ADGRL2: variants seen among roughly 807,000 people sequenced by gnomAD.
ADGRL2 encodes the protein calcium-independent alpha-latrotoxin receptor 2.
Under a neutral mutation model 157.4 loss-of-function variants are expected in ADGRL2, and 44 were observed. That is an observed-to-expected ratio of 0.28 (90% CI 0.22 to 0.36). The LOEUF is 0.36. Among genes scored for constraint, ADGRL2 ranks in the 10% least tolerant of loss-of-function variants. The probability of loss-of-function intolerance (pLI) is 1.00; values close to 1 mark genes in which losing one functional copy is unlikely to be tolerated. For missense variants in ADGRL2, 1,510 were observed against 1,768.9 expected, an observed-to-expected ratio of 0.85 and a Z score of 2.63; for synonymous variants, 585 against 624.7, an observed-to-expected ratio of 0.94 and a Z score of 0.95.
chr1:81,772,499 C>T lies in ADGRL2; in HGVS notation c.-101+10647C>T, dbSNP rs1033682817. Among the ~76,000 whole-genome samples the T allele has an allele frequency of 5.3e-5, 8 of 152,094 alleles. No individual in the cohort carries two copies. The East Asian group carries it at 1.4e-3, about 26-fold the overall frequency. On this transcript the variant is annotated intron_variant, in intron 2 of 20. Transcript: ENST00000359929. ...ATCCCAGCACTGTGGGAGGCCGAGG[C>T]GGGTAGATCACCTGAGGTCAGGAGT...
At chr1:81,537,418 G>A (rs1378694111) in intron 2 of ADGRL2, among the ~76,000 whole-genome samples, 1 of 151,864 alleles carries the variant, frequency 6.6e-6, no homozygotes, top group African/African-American at 2.4e-5. Flanking sequence ...GGAGTAGCTG[G>A]GATTACAGGC....
At chr1:81,355,720 C>G (rs1306767085) in intron 1 of ADGRL2, among the ~76,000 whole-genome samples, 1 of 152,130 alleles carries the variant, frequency 6.6e-6, no homozygotes, top group East Asian at 1.9e-4. Context: ...GCAGGTTCAC[C>G]CTGGGCCTGC....
intron 3 of ADGRL2, among the ~76,000 whole-genome samples, chr1:81,687,566 G>A (rs1009381350): frequency 1.3e-5 from 2 of 152,194 alleles, no homozygotes; most frequent in Non-Finnish European, 2.9e-5. Context: ...GAAGGCATCA[G>A]ATGGTTGGTG....
intron 2 of ADGRL2, among the ~76,000 whole-genome samples, chr1:81,465,895 A>T (rs2078042488): frequency 6.6e-6 from 1 of 152,244 alleles, no homozygotes; most frequent in South Asian, 2.1e-4. Flanking sequence ...ATCTTTGGTC[A>T]CCTGAAATGT....
chr1:81,468,113 G>A (rs779924011), intron 2 of ADGRL2, among the ~76,000 whole-genome samples: 53 of 152,204 alleles, frequency 3.5e-4, no homozygotes, highest in Admixed American at 4.6e-4. Flanking sequence ...AAACAAATAA[G>A]TATTGTTTTT....
chr1:81,337,418 C>T (rs1435717981), intron 1 of ADGRL2, among the ~76,000 whole-genome samples: 1 of 152,148 alleles, frequency 6.6e-6, no homozygotes, highest in East Asian at 1.9e-4. Context: ...CATCCCAGAC[C>T]CTGCACTCGC....
intron 1 of ADGRL2, among the ~76,000 whole-genome samples, chr1:81,806,882 T>G (rs1362159653): frequency 6.6e-6 from 1 of 152,020 alleles, no homozygotes; most frequent in Non-Finnish European, 1.5e-5. Context: ...TTACAAAAGT[T>G]TCTTCAAAGA....
At chr1:81,661,926 A>G (rs1343327760) in intron 3 of ADGRL2, among the ~76,000 whole-genome samples, 1 of 152,186 alleles carries the variant, frequency 6.6e-6, no homozygotes, top group Admixed American at 6.5e-5. Flanking sequence ...AATGCCTACC[A>G]GGGAAGTATT....
intron 2 of ADGRL2, among the ~76,000 whole-genome samples, chr1:81,547,415 A>T (rs1201289220): frequency 1.3e-5 from 2 of 151,898 alleles, no homozygotes; most frequent in Non-Finnish European, 2.9e-5. Flanking sequence ...CTCAACCCCC[A>T]CCACCAGGAA....
intron 2 of ADGRL2, among the ~76,000 whole-genome samples, chr1:81,853,588 C>CT (rs1158039336): frequency 6.6e-6 from 1 of 152,210 alleles, no homozygotes; most frequent in East Asian, 1.9e-4. Flanking sequence ...TCTTTAAAAA[C>CT]TTTATGATTT....
At chr1:81,980,661 A>G in intron 18 of ADGRL2, 2 of 453,308 alleles carry the variant, frequency 4.4e-6, no homozygotes, top group South Asian at 1.4e-4. Context: ...GTAAGGGTAA[A>G]TTTTTTTTTA....
At chr1:81,451,745 C>T (rs1453044818) in intron 2 of ADGRL2, among the ~76,000 whole-genome samples, 1 of 152,128 alleles carries the variant, frequency 6.6e-6, no homozygotes, top group African/African-American at 2.4e-5. Flanking sequence ...AAATCCTATG[C>T]AGTCTTATAC....
In ADGRL2 at chr1:81,993,738, A is replaced by G. The variant is rs1664980369; in HGVS notation, c.*2593A>G. ...TGTTTTAATGCAGATGCGTTATTGT[A>G]TTTATTAACCCAGTTTCTTTGGGTC... On this transcript the variant is annotated 3_prime_UTR_variant, in exon 24 of 24. Coordinates refer to ENST00000686636, the MANE Select transcript of ADGRL2 (RefSeq NM_001366006.2). 6.6e-6 allele frequency among the ~76,000 whole-genome samples: 1 copy of G among 152,152 alleles called. No homozygotes were observed. The highest frequency in any genetic ancestry group is 1.5e-5 in the Non-Finnish European group (1 of 68,030).
Position 81,964,343 on chromosome 1 carries a change from G to T in ADGRL2, c.2018-1715G>T, listed in dbSNP as rs17107598. ...TGAAAGCTTCTTTCAATGTGAGGAA[G>T]AATCAGTTACTTTAATTAAACTTCT... On this transcript the variant is annotated intron_variant, in intron 11 of 23. Coordinates refer to ENST00000686636, the MANE Select transcript of ADGRL2 (RefSeq NM_001366006.2). Among the ~76,000 whole-genome samples the T allele has an allele frequency of 5.1e-3, 771 of 152,168 alleles. 7 individuals carry two copies. Among genetic ancestry groups the T allele is most frequent in the African/African-American group, 0.017 (714 of 41,548 alleles).
intron 1 of ADGRL2, among the ~76,000 whole-genome samples, chr1:81,826,554 G>T (rs1432804607): frequency 6.6e-6 from 1 of 152,152 alleles, no homozygotes; most frequent in Non-Finnish European, 1.5e-5. Context: ...CTATAATTTG[G>T]CAGAGAAGTA....
chr1:81,572,439 C>A (rs2080714439), intron 2 of ADGRL2, among the ~76,000 whole-genome samples: 1 of 152,138 alleles, frequency 6.6e-6, no homozygotes, highest in Admixed American at 6.6e-5. Context: ...TGCTTGGAGG[C>A]TGATGGGGGA....
At position 81,943,541 on chromosome 1, in the gene ADGRL2, G is replaced by A. The variant is rs1191117419; in HGVS notation, c.982G>A (p.Val328Ile). The A allele has an allele frequency of 2.5e-6, 4 of 1,613,726 alleles. No individual in the cohort carries two copies. The highest frequency in any genetic ancestry group is 1.7e-5 in the Admixed American group (1 of 59,956). Reference sequence around the variant, plus strand: ...TATGATATGCGGAGTCCTCTATGTGGTTAGGTCAGTTTATCAAGACAATGA... The same window carrying A: ...TATGATATGCGGAGTCCTCTATGTGATTAGGTCAGTTTATCAAGACAATGA... ...AFMICGVLYVVRSVYQDNESE... is the reference protein window; with the variant it reads ...AFMICGVLYVIRSVYQDNESE... Residue 328 changes from valine (V) to isoleucine (I), a missense_variant, in exon 6 of 24, where the codon GTT (valine) becomes ATT (isoleucine). Coordinates refer to ENST00000686636, the MANE Select transcript of ADGRL2 (RefSeq NM_001366006.2). This position sits in a 1 kb window ranked among gnomAD's most constrained non-coding sequence, Gnocchi z 5.6.
chr1:81,775,014 C>T (rs1207586010), intron 2 of ADGRL2, among the ~76,000 whole-genome samples: 1 of 152,052 alleles, frequency 6.6e-6, no homozygotes, highest in Admixed American at 6.6e-5. Context: ...AAAAAGCTGG[C>T]AGAAACATTT....
intron 2 of ADGRL2, among the ~76,000 whole-genome samples, chr1:81,561,530 G>A (rs2080442432): frequency 1.4e-5 from 2 of 145,060 alleles, no homozygotes; most frequent in South Asian, 2.3e-4. Flanking sequence ...GTGCGATCTT[G>A]TCTCACTGCA....
Sources: gnomAD v4.1 joint callset for allele counts (sites outside exome capture counted in the v4.1 genomes callset) on GRCh38, gnomAD v4.1.1 for gene constraint, Gnocchi (gnomAD v3.1) non-coding constraint, MANE v1.5 for transcripts, NCBI Gene and HGNC (gene_info 2026-07-23, HGNC 2026-07-21) for gene names.